KMT2A: variants seen among roughly 807,000 people sequenced by gnomAD.
The protein encoded by KMT2A is lysine methyltransferase 2A.
KMT2A carries 16 observed loss-of-function variants against 345.3 expected under a neutral mutation model. The ratio of observed to expected loss-of-function variants is 0.05; its 90% confidence interval spans 0.03 to 0.07. KMT2A has a LOEUF of 0.07. Among genes scored for constraint, KMT2A ranks in the 10% least tolerant of loss-of-function variants. The pLI, the probability that KMT2A is intolerant of heterozygous loss-of-function variation, is 1.00. For missense variants in KMT2A, 3,272 were observed against 4,841.6 expected (o/e 0.68, Z 9.62); for synonymous variants, 1,599 against 1,778.6 (o/e 0.90, Z 2.54).
intron 8 of KMT2A, among the ~76,000 whole-genome samples, chr11:118,483,773 T>C (rs1430504407): frequency 1.3e-5 from 2 of 152,316 alleles, no homozygotes; most frequent in African/African-American, 4.8e-5. Context: ...GGCTCACATC[T>C]ATAATCCCAG....
chr11:118,437,615 T>C (rs926406510), intron 1 of KMT2A, among the ~76,000 whole-genome samples: 12 of 143,754 alleles, frequency 8.3e-5, no homozygotes, highest in African/African-American at 3.1e-4. Flanking sequence ...CTCTGCACCT[T>C]GCCTGGTCTC....
In KMT2A at chr11:118,501,727, A is replaced by G; in HGVS notation, c.6375A>G (p.Pro2125=). 1.2e-6 allele frequency: 2 copies of G among 1,614,168 alleles called. No homozygotes were observed. The highest frequency in any genetic ancestry group is 1.7e-6 in the Non-Finnish European group (2 of 1,180,004). Residue 2125 remains proline (P), a synonymous_variant, in exon 26 of 36, where the codon CCA becomes CCG. Coordinates refer to ENST00000534358, the MANE Select transcript of KMT2A (RefSeq NM_001197104.2). ...CTGAAATTATAAGTCCTCCATCACC[A>G]GACCGACCTCCTCATTCACAAACCT... ...NTAEIISPPS[P]DRPPHSQTSG...
Position 118,522,395 on chromosome 11 carries a change from C to G in KMT2A, c.*223C>G. ...AGAAAAGATCCATGATCGGCTTTCT[C>G]CTGGGGCCCCTCCAATTGTTTACTG... On this transcript the variant is annotated 3_prime_UTR_variant, in exon 36 of 36. Transcript: ENST00000534358. This position sits in a 1 kb window ranked among gnomAD's most constrained non-coding sequence, Gnocchi z 5.4. The G allele has an allele frequency of 1.9e-6, 1 of 526,036 alleles. No homozygotes were observed. Among genetic ancestry groups the G allele is most frequent in the Non-Finnish European group, 3.4e-6 (1 of 295,316 alleles). 32.6% of individuals were successfully genotyped at this position (526,036 alleles called of 1,614,324 possible). A position where few individuals can be genotyped will look rare whatever the true frequency, so the allele number is the denominator to read the frequency against.
rs528322887 is a variant in KMT2A, at chr11:118,472,610, T to C, written c.1451T>C (p.Val484Ala). ...SDSSRSSSPS[V>A]DTSTDSQASE... Reference sequence around the variant, plus strand: ...TCCTCTCGATCTAGTAGCCCCAGTGTTGATACCTCCACAGACTCTCAGGCT... The same window carrying C: ...TCCTCTCGATCTAGTAGCCCCAGTGCTGATACCTCCACAGACTCTCAGGCT... Residue 484 changes from valine to alanine, a missense_variant, in exon 3 of 36, where the codon GTT becomes GCT. Val to Ala is a moderately conservative substitution (Grantham distance 64). This residue lies in a region of KMT2A where 180 missense variants were observed against 190.7 expected (regional missense o/e 0.94). Transcript: ENST00000534358. 2.1e-5 allele frequency: 34 copies of C among 1,611,930 alleles called. No individual in the cohort carries two copies. The South Asian group carries it at 3.7e-4, about 18-fold the overall frequency.
In KMT2A at chr11:118,484,258, A is replaced by G. The variant is rs782782893; in HGVS notation, c.4162A>G (p.Ser1388Gly). ...NILSTLSNGN[S>G]SKQKIPADGV... is the part of the protein sequence containing the mutation. ...CCTCAGCACTCTCTCCAATGGCAAT[A>G]GTTCTAAGCAAAAAATTCCAGCAGA... The change falls in exon 9 of 36, where the codon AGT becomes GGT. Residue 1388 changes from serine to glycine, a missense_variant. Physicochemically the swap from Ser to Gly is moderately conservative, Grantham distance 56. Transcript: ENST00000534358. The surrounding 1 kb of genome is among the most constrained non-coding windows in gnomAD (Gnocchi z 4.1). 1.6e-5 allele frequency: 26 copies of G among 1,614,176 alleles called. No homozygotes were observed. Among genetic ancestry groups the G allele is most frequent in the Non-Finnish European group, 1.4e-5 (16 of 1,179,992 alleles).
chr11:118,441,952 C>T (rs929249736), intron 1 of KMT2A, among the ~76,000 whole-genome samples: 1 of 152,216 alleles, frequency 6.6e-6, no homozygotes, highest in Non-Finnish European at 1.5e-5. Context: ...TACCAATTGC[C>T]TCCCTTACCC....
At chr11:118,511,371 A>C (rs1950684975) in intron 30 of KMT2A, among the ~76,000 whole-genome samples, 1 of 152,148 alleles carries the variant, frequency 6.6e-6, no homozygotes, top group Non-Finnish European at 1.5e-5. Flanking sequence ...ATGCATGGAG[A>C]ACAAAGGAGA....
rs1364750842 is a variant in KMT2A, at chr11:118,510,229, G to C, written c.11071+111G>C. On this transcript the variant is annotated intron_variant, in intron 30 of 35. Transcript: ENST00000534358. The surrounding 1 kb of genome is among the most constrained non-coding windows in gnomAD (Gnocchi z 4.1). ...TGGCTGTTTTATGCTAGATGGTAGG[G>C]GGATACCTGGAGGCATCATACATTT... 6 of 797,792 alleles carry C rather than the reference G, an allele frequency of 7.5e-6. No homozygotes were observed. Among genetic ancestry groups the C allele is most frequent in the Non-Finnish European group, 1.2e-5 (6 of 509,910 alleles). The allele number at this position is 797,792 out of a possible 1,614,324, so 49.4% of individuals were successfully genotyped here.
intron 1 of KMT2A, among the ~76,000 whole-genome samples, chr11:118,453,266 C>T (rs1949577411): frequency 6.6e-6 from 1 of 152,114 alleles, no homozygotes; most frequent in African/African-American, 2.4e-5. Context: ...GCTTTTATCC[C>T]CATGATGCCT....
chr11:118,467,146 G>T (rs1300546916), intron 1 of KMT2A, among the ~76,000 whole-genome samples: 16 of 152,252 alleles, frequency 1.1e-4, no homozygotes, highest in Middle Eastern at 3.4e-3. Flanking sequence ...GGAGGCCGAG[G>T]TGGGCAGATC....
chr11:118,498,616 A>C lies in KMT2A; in HGVS notation c.5961+88A>C, dbSNP rs1335637398. On this transcript the variant is annotated intron_variant, in intron 22 of 35. Coordinates refer to ENST00000534358, the MANE Select transcript of KMT2A (RefSeq NM_001197104.2). This position sits in a 1 kb window ranked among gnomAD's most constrained non-coding sequence, Gnocchi z 4.4. ...CACAGCAAAATTGACTGGAAGGTAC[A>C]GAGATTTCCCATATGCCCCCTGCAC... 7.2e-7 allele frequency: 1 copy of C among 1,380,208 alleles called. No individual in the cohort carries two copies. The highest frequency in any genetic ancestry group is 9.8e-7 in the Non-Finnish European group (1 of 1,024,524). The allele number at this position is 1,380,208 out of a possible 1,614,324, so 85.5% of individuals were successfully genotyped here.
At chr11:118,517,952 G>A (rs764539270) in intron 31 of KMT2A, among the ~76,000 whole-genome samples, 5 of 152,116 alleles carry the variant, frequency 3.3e-5, no homozygotes, top group Non-Finnish European at 5.9e-5. Flanking sequence ...TGGCATGATC[G>A]TCTGCTTTTT....
In KMT2A at chr11:118,489,896, T is replaced by G. The variant is rs1555042010; in HGVS notation, c.4575+9T>G. ...AGAAGAAGAAAGTCTGGGTGAGTTATACACATGATGCTCTTTTATAGAGAA... is the reference window on the plus strand; with the variant it reads ...AGAAGAAGAAAGTCTGGGTGAGTTAGACACATGATGCTCTTTTATAGAGAA... On this transcript the variant is annotated intron_variant, in intron 12 of 35. Coordinates refer to ENST00000534358, the MANE Select transcript of KMT2A (RefSeq NM_001197104.2). 1.2e-6 allele frequency: 2 copies of G among 1,609,010 alleles called. No individual in the cohort carries two copies. Among genetic ancestry groups the G allele is most frequent in the Non-Finnish European group, 1.7e-6 (2 of 1,175,358 alleles).
intron 1 of KMT2A, among the ~76,000 whole-genome samples, chr11:118,451,410 CAG>C (rs1418491978): frequency 6.6e-6 from 1 of 151,894 alleles, no homozygotes; most frequent in Non-Finnish European, 1.5e-5. Context: ...TCTTTTGAGA[CAG>C]AGTCTTGCCC....
In KMT2A at chr11:118,506,592, C is replaced by G. The variant is rs782271033; in HGVS notation, c.10700C>G (p.Ser3567Cys). Residue 3567 changes from serine to cysteine, a missense_variant, in exon 27 of 36, where the codon TCT (serine) becomes TGT (cysteine). Coordinates refer to ENST00000534358, the MANE Select transcript of KMT2A (RefSeq NM_001197104.2). ...KHKVSHLRTS[S>C]SEAHIPDQET... is the part of the protein sequence containing the mutation. ...AAAGTTTCCCATTTGCGGACCAGTT[C>G]TTCTGAAGCACACATTCCAGACCAA... The G allele has an allele frequency of 4.3e-6, 7 of 1,613,746 alleles. No homozygotes were observed. The highest frequency in any genetic ancestry group is 5.9e-6 in the Non-Finnish European group (7 of 1,179,760).
At chr11:118,508,110 A>G (rs900469574) in intron 28 of KMT2A, among the ~76,000 whole-genome samples, 24 of 152,304 alleles carry the variant, frequency 1.6e-4, no homozygotes, top group African/African-American at 5.1e-4. Context: ...ATAGTTTCCT[A>G]TTTGTCCCCC....
At chr11:118,482,538 T>G (rs1555039655) in intron 8 of KMT2A, 43 bp downstream of exon 8, 1 of 1,404,770 alleles carries the variant, frequency 7.1e-7, no homozygotes, top group South Asian at 1.2e-5. Flanking sequence ...AGGGATGTAT[T>G]CTATTTTGTA....
At chr11:118,437,387 G>A (rs1949212256) in intron 1 of KMT2A, among the ~76,000 whole-genome samples, 2 of 150,938 alleles carry the variant, frequency 1.3e-5, no homozygotes, top group South Asian at 2.1e-4. Flanking sequence ...GGCGTCTCTC[G>A]GGTGATGGCC....
chr11:118,511,139 A>G (rs1555049968), intron 30 of KMT2A, among the ~76,000 whole-genome samples: 1 of 152,214 alleles, frequency 6.6e-6, no homozygotes, highest in East Asian at 1.9e-4. Flanking sequence ...TAATGTGATA[A>G]GCTCTCTATA....
Sources: allele counts gnomAD v4.1 joint callset (sites outside exome capture counted in the v4.1 genomes callset), GRCh38; gene constraint gnomAD v4.1.1; regional missense constraint gnomAD v4.1.1; non-coding constraint Gnocchi (gnomAD v3.1); transcripts MANE v1.5; gene names NCBI Gene and HGNC (gene_info 2026-07-23, HGNC 2026-07-21).